KCNQ5: variants seen among roughly 807,000 people sequenced by gnomAD.
KCNQ5 encodes potassium voltage-gated channel subfamily KQT member 5.
In KCNQ5, 30 loss-of-function variants were observed where a neutral mutation model predicts 98.2. That is an observed-to-expected ratio of 0.31 (90% CI 0.23 to 0.41). The LOEUF (loss-of-function observed/expected upper bound fraction) is 0.41, where lower values mean the gene tolerates loss of function less well. Ranked by LOEUF, KCNQ5 falls within the 10% of genes least tolerant of loss-of-function variation. KCNQ5 has a pLI of 1.00. For missense variants in KCNQ5, 835 were observed against 1,182.5 expected (o/e 0.71, Z 4.31); for synonymous variants, 458 against 449.4 (o/e 1.02, Z -0.24).
intron 3 of KCNQ5, among the ~76,000 whole-genome samples, chr6:73,057,001 T>C (rs1329797171): frequency 2.6e-5 from 4 of 152,106 alleles, no homozygotes; most frequent in African/African-American, 9.7e-5. Context: ...GGATTATAAA[T>C]CATGCTGCTA....
intron 2 of KCNQ5, among the ~76,000 whole-genome samples, chr6:73,006,290 T>C (rs575152303): frequency 3.0e-4 from 46 of 151,944 alleles, no homozygotes; most frequent in Admixed American, 6.6e-4. Flanking sequence ...ATGAGACATA[T>C]CGAAGGAATT....
intron 1 of KCNQ5, among the ~76,000 whole-genome samples, chr6:72,766,713 C>A (rs1482963487): frequency 6.6e-6 from 1 of 151,718 alleles, no homozygotes; most frequent in African/African-American, 2.4e-5. Context: ...AATGGTGGCA[C>A]CATTTGCTGG....
At chr6:72,844,873 G>A (rs1776954048) in intron 1 of KCNQ5, among the ~76,000 whole-genome samples, 2 of 152,144 alleles carry the variant, frequency 1.3e-5, no homozygotes, top group South Asian at 4.1e-4. Context: ...AACAATTAAG[G>A]AAACAAGTTT....
chr6:72,918,506 A>T (rs943235320), intron 1 of KCNQ5, among the ~76,000 whole-genome samples: 2 of 151,992 alleles, frequency 1.3e-5, no homozygotes, highest in South Asian at 4.2e-4. Context: ...ATATGAGGAA[A>T]GGCACATTTT....
intron 9 of KCNQ5, among the ~76,000 whole-genome samples, chr6:73,130,415 C>T (rs181660160): frequency 6.6e-6 from 1 of 152,242 alleles, no homozygotes; most frequent in African/African-American, 2.4e-5. Flanking sequence ...TGAGCATGGT[C>T]CTCAGCTGTA....
chr6:72,903,540 GTTCAA>G (rs1288198209), intron 1 of KCNQ5, among the ~76,000 whole-genome samples: 1 of 151,918 alleles, frequency 6.6e-6, no homozygotes, highest in Non-Finnish European at 1.5e-5. Context: ...CACTACTGTC[GTTCAA>G]TTCAAAGATT....
At chr6:72,632,247 C>G (rs1326515192) in intron 1 of KCNQ5, among the ~76,000 whole-genome samples, 1 of 150,782 alleles carries the variant, frequency 6.6e-6, no homozygotes, top group East Asian at 2.0e-4. Flanking sequence ...ACACCATTCT[C>G]CCGCCTCAGC....
intron 1 of KCNQ5, among the ~76,000 whole-genome samples, chr6:72,817,765 G>A (rs182345388): frequency 8.4e-4 from 128 of 152,022 alleles, no homozygotes; most frequent in East Asian, 2.5e-3. Flanking sequence ...GTGGTGGCGC[G>A]TGCCTGTAAT....
intron 3 of KCNQ5, chr6:73,055,484 T>C: frequency 6.4e-7 from 1 of 1,551,056 alleles, no homozygotes. Flanking sequence ...CCATCCTTTC[T>C]ACAGCAACAT....
intron 1 of KCNQ5, among the ~76,000 whole-genome samples, chr6:72,883,413 G>C (rs908442740): frequency 6.6e-6 from 1 of 151,932 alleles, no homozygotes; most frequent in Non-Finnish European, 1.5e-5. Flanking sequence ...TTTCTGCTGA[G>C]CTCATGCTCT....
chr6:72,717,087 C>T (rs1422195864), intron 1 of KCNQ5, among the ~76,000 whole-genome samples: 1 of 152,058 alleles, frequency 6.6e-6, no homozygotes, highest in African/African-American at 2.4e-5. Flanking sequence ...AGTCATAATC[C>T]CCATGTAGTG....
At chr6:73,111,501 T>C (rs1274228916) in intron 7 of KCNQ5, 98 bp downstream of exon 7, 8 of 805,526 alleles carry the variant, frequency 9.9e-6, no homozygotes, top group Admixed American at 2.4e-5. Flanking sequence ...GTAGAACTAC[T>C]GCTTTGTTCC....
chr6:72,837,793 T>C (rs1293856389), intron 1 of KCNQ5, among the ~76,000 whole-genome samples: 6 of 149,982 alleles, frequency 4.0e-5, no homozygotes, highest in African/African-American at 1.5e-4. Flanking sequence ...TATATACATG[T>C]TATATATATG....
chr6:72,896,789 TGTAGTCACTG>T (rs2150188715), intron 1 of KCNQ5, among the ~76,000 whole-genome samples: 1 of 152,312 alleles, frequency 6.6e-6, no homozygotes, highest in East Asian at 1.9e-4. Flanking sequence ...CCTGCCACCC[TGTAGTCACTG>T]GTACCTTTGC....
intron 1 of KCNQ5, among the ~76,000 whole-genome samples, chr6:72,792,786 A>G (rs1774123806): frequency 6.6e-6 from 1 of 152,246 alleles, no homozygotes; most frequent in South Asian, 2.1e-4. Flanking sequence ...TTCAAAACCC[A>G]GAATCTATCC....
chr6:72,767,360 G>A (rs1278346427), intron 1 of KCNQ5, among the ~76,000 whole-genome samples: 1 of 151,992 alleles, frequency 6.6e-6, no homozygotes, highest in South Asian at 2.1e-4. Context: ...AGACCTAAAT[G>A]TAAGAGCTGA....
rs1041965409 is a variant in KCNQ5 at position 72,674,598 on chromosome 6, C to T, written c.398+52011C>T. On this transcript the variant is annotated intron_variant, in intron 1 of 13. Transcript: ENST00000370398. ...CAGCCTGGCCAACGTGGTGAAACCC[C>T]GTCTCTACTAAAAATACAAAAATTA... 5.3e-5 allele frequency among the ~76,000 whole-genome samples: 8 copies of T among 152,164 alleles called. No individual in the cohort carries two copies. The East Asian group carries it at 7.7e-4, about 15-fold the overall frequency.
At chr6:73,142,543 A>G (rs957603688) in intron 10 of KCNQ5, among the ~76,000 whole-genome samples, 6 of 152,090 alleles carry the variant, frequency 3.9e-5, no homozygotes, top group South Asian at 2.1e-4. Flanking sequence ...CTACGCAATT[A>G]TATTCCACTC....
At chr6:73,157,802 T>A in intron 10 of KCNQ5, 1 of 779,352 alleles carries the variant, frequency 1.3e-6, no homozygotes. Flanking sequence ...GCCATTAGCT[T>A]GCTCTTGGCC....
Sources: gnomAD v4.1 joint callset for allele counts (sites outside exome capture counted in the v4.1 genomes callset) on GRCh38, gnomAD v4.1.1 for gene constraint, MANE v1.5 for transcripts, NCBI Gene and HGNC (gene_info 2026-07-23, HGNC 2026-07-21) for gene names.